Variants in ADGRV1 observed in about 807,000 individuals in gnomAD.
The protein encoded by ADGRV1 is G-protein coupled receptor 98.
A neutral mutation model predicts 596.2 loss-of-function variants in ADGRV1; 359 were observed. The observed-to-expected ratio is 0.60, with a 90% CI of 0.55 to 0.66. The LOEUF (loss-of-function observed/expected upper bound fraction) is 0.66, where lower values mean the gene tolerates loss of function less well. Among genes scored for constraint, ADGRV1 ranks in the 30% least tolerant of loss-of-function variants. ADGRV1 has a pLI of 0.00. For synonymous variants in ADGRV1, 2,681 were observed against 2,679.2 expected (o/e 1.00, Z -0.02); for missense variants, 7,274 against 7,575.6 (o/e 0.96, Z 1.48).
intron 43 of ADGRV1, chr5:90,717,431 A>ATTTTTTTTTT (rs34320463): frequency 9.5e-6 from 1 of 104,748 alleles, no homozygotes; most frequent in Non-Finnish European, 1.8e-5. Context: ...TGCAAATGTG[A>ATTTTTTTTTT]TTTTTTTTTT....
chr5:91,157,421 C>A (rs1170296102), intron 89 of ADGRV1, among the ~76,000 whole-genome samples: 1 of 152,136 alleles, frequency 6.6e-6, no homozygotes, highest in Non-Finnish European at 1.5e-5. Flanking sequence ...AATGCAATAC[C>A]TAGTTATTCA....
chr5:90,730,114 C>T (rs1752361052), intron 50 of ADGRV1, among the ~76,000 whole-genome samples: 1 of 152,196 alleles, frequency 6.6e-6, no homozygotes, highest in Non-Finnish European at 1.5e-5. Flanking sequence ...GATCCGCCCA[C>T]CCAAAGTGCT....
chr5:91,160,470 T>C (rs2126957650), intron 89 of ADGRV1, among the ~76,000 whole-genome samples: 1 of 152,298 alleles, frequency 6.6e-6, no homozygotes, highest in South Asian at 2.1e-4. Context: ...CGTGCATCTG[T>C]AAAACAGGAC....
intron 89 of ADGRV1, 52 bp downstream of exon 89, chr5:91,153,450 C>T: frequency 7.5e-7 from 1 of 1,328,300 alleles, no homozygotes; most frequent in Non-Finnish European, 1.0e-6. Flanking sequence ...TGCTATGTTA[C>T]AATTTATATT....
intron 20 of ADGRV1, chr5:90,654,166 A>G (rs1769064733): frequency 3.5e-6 from 2 of 573,906 alleles, no homozygotes; most frequent in African/African-American, 3.7e-5. Context: ...GCCCTTAAAG[A>G]ACCTGGAATA....
At chr5:90,563,075 G>A (rs144752911) in intron 1 of ADGRV1, among the ~76,000 whole-genome samples, 75 of 152,298 alleles carry the variant, frequency 4.9e-4, no homozygotes, top group African/African-American at 1.5e-3. Context: ...GGTGCTGGTA[G>A]GGGCCAAATA....
At chr5:91,150,642 C>T (rs548806597) in intron 88 of ADGRV1, among the ~76,000 whole-genome samples, 1 of 152,274 alleles carries the variant, frequency 6.6e-6, no homozygotes, top group Admixed American at 6.5e-5. Context: ...CTTCCTCCAC[C>T]CATTCCAACT....
At chr5:90,915,224 G>T in intron 83 of ADGRV1, among the ~76,000 whole-genome samples, 1 of 152,194 alleles carries the variant, frequency 6.6e-6, no homozygotes, top group Middle Eastern at 3.4e-3. Context: ...ATGTACTTTA[G>T]GATAATATAT....
At chr5:90,772,750 G>T (rs1467490183) in intron 59 of ADGRV1, among the ~76,000 whole-genome samples, 1 of 152,132 alleles carries the variant, frequency 6.6e-6, no homozygotes, top group Non-Finnish European at 1.5e-5. Context: ...AGAAATTACT[G>T]TACATATAAA....
intron 48 of ADGRV1, among the ~76,000 whole-genome samples, chr5:90,726,230 A>G (rs1326880333): frequency 6.6e-6 from 1 of 152,194 alleles, no homozygotes; most frequent in Non-Finnish European, 1.5e-5. Context: ...TACGACAGAG[A>G]AAGTGTCCCT....
chr5:91,067,296 A>G (rs1304500308), intron 85 of ADGRV1, among the ~76,000 whole-genome samples: 1 of 152,058 alleles, frequency 6.6e-6, no homozygotes, highest in Non-Finnish European at 1.5e-5. Context: ...AGCATGTGCC[A>G]CCACACCCAG....
chr5:90,831,112 A>G (rs941585854), intron 77 of ADGRV1, among the ~76,000 whole-genome samples: 3 of 152,072 alleles, frequency 2.0e-5, no homozygotes, highest in Non-Finnish European at 4.4e-5. Context: ...CTGGAACTAA[A>G]CCATTGACCT....
chr5:90,703,299 TGAA>T (rs1276025537), intron 34 of ADGRV1, among the ~76,000 whole-genome samples: 1 of 152,094 alleles, frequency 6.6e-6, no homozygotes, highest in Non-Finnish European at 1.5e-5. Flanking sequence ...TTTTGAAAAG[TGAA>T]GGAAGAATTT....
At chr5:91,163,166 C>T (rs563937946) in intron 89 of ADGRV1, among the ~76,000 whole-genome samples, 17 of 152,116 alleles carry the variant, frequency 1.1e-4, no homozygotes, top group African/African-American at 2.7e-4. Context: ...AGATTCTGAG[C>T]GCTGTCAGTA....
intron 83 of ADGRV1, among the ~76,000 whole-genome samples, chr5:90,941,346 A>G (rs923042110): frequency 2.6e-5 from 4 of 152,200 alleles, no homozygotes; most frequent in African/African-American, 9.7e-5. Flanking sequence ...TTAACATTAT[A>G]TGATCAGTCA....
chr5:91,083,106 T>C (rs990031096), intron 86 of ADGRV1, among the ~76,000 whole-genome samples: 51 of 152,120 alleles, frequency 3.4e-4, no homozygotes, highest in Non-Finnish European at 5.9e-5. Context: ...TAAAAATGAA[T>C]GGTTAGCCAT....
chr5:90,745,804 A>G lies in ADGRV1; in HGVS notation c.10974+9A>G, dbSNP rs909026283. 2.1e-6 allele frequency: 3 copies of G among 1,456,720 alleles called. No individual in the cohort carries two copies. The highest frequency in any genetic ancestry group is 3.4e-5 in the Admixed American group (2 of 59,374). The allele number at this position is 1,456,720 out of a possible 1,614,324, so 90.2% of individuals were successfully genotyped here. Reference sequence around the variant, plus strand: ...TTGTTGCATTTGCTCAGGTAATGATACTGAAGACCCCACACTTGCAATGCA... The same window carrying G: ...TTGTTGCATTTGCTCAGGTAATGATGCTGAAGACCCCACACTTGCAATGCA... On this transcript the variant is annotated intron_variant, in intron 52 of 89. Transcript: ENST00000405460.
intron 58 of ADGRV1, among the ~76,000 whole-genome samples, chr5:90,761,559 G>A (rs1026198572): frequency 2.6e-5 from 4 of 151,942 alleles, no homozygotes; most frequent in African/African-American, 9.7e-5. Context: ...TTTACTGTTA[G>A]AGAAAATGAA....
chr5:90,886,477 T>C (rs1770296018), intron 83 of ADGRV1, among the ~76,000 whole-genome samples: 1 of 152,172 alleles, frequency 6.6e-6, no homozygotes, highest in Non-Finnish European at 1.5e-5. Context: ...AATCAGAATC[T>C]CCTCAGGAAT....
Sources: gnomAD v4.1 joint callset for allele counts (sites outside exome capture counted in the v4.1 genomes callset) on GRCh38, gnomAD v4.1.1 for gene constraint, MANE v1.5 for transcripts, NCBI Gene and HGNC (gene_info 2026-07-23, HGNC 2026-07-21) for gene names.